The following GRID1 variants were observed in gnomAD, a reference collection of about 807,000 sequenced individuals.
GRID1 encodes the protein glutamate ionotropic receptor delta type subunit 1, also known as glutamate receptor ionotropic, delta-1.
A neutral mutation model predicts 98.0 loss-of-function variants in GRID1; 28 were observed. That is an observed-to-expected ratio of 0.29 (90% CI 0.21 to 0.39). The LOEUF (loss-of-function observed/expected upper bound fraction) is 0.39, where lower values mean the gene tolerates loss of function less well. Among genes scored for constraint, GRID1 ranks in the 10% least tolerant of loss-of-function variants. GRID1 has a pLI of 1.00. For missense variants in GRID1, 1,111 were observed against 1,340.5 expected (o/e 0.83, Z 2.67); for synonymous variants, 553 against 538.5 (o/e 1.03, Z -0.37).
intron 2 of GRID1, among the ~76,000 whole-genome samples, chr10:86,325,050 G>A (rs1408877260): frequency 6.6e-6 from 1 of 152,088 alleles, no homozygotes; most frequent in African/African-American, 2.4e-5. Flanking sequence ...TTGCAACACA[G>A]CTTCAAAATA....
intron 4 of GRID1, among the ~76,000 whole-genome samples, chr10:85,941,463 A>G (rs926851274): frequency 1.3e-5 from 2 of 152,226 alleles, no homozygotes; most frequent in African/African-American, 4.8e-5. Flanking sequence ...AAATAAATAA[A>G]ACTATTAACG....
At chr10:86,084,112 C>T (rs1182118559) in intron 4 of GRID1, among the ~76,000 whole-genome samples, 1 of 152,128 alleles carries the variant, frequency 6.6e-6, no homozygotes, top group Non-Finnish European at 1.5e-5. Context: ...TGGTGTGTCC[C>T]TCGGGACTCA....
At chr10:85,634,249 C>CCTCTCTCTCTCT (rs775506130) in intron 13 of GRID1, among the ~76,000 whole-genome samples, 979 of 92,004 alleles carry the variant, frequency 0.011, 12 homozygotes, top group South Asian at 0.021. Flanking sequence ...TGATGGGGCA[C>CCTCTCTCTCTCT]CTCTCTCTCT....
intron 2 of GRID1, among the ~76,000 whole-genome samples, chr10:86,355,848 C>T (rs1848527181): frequency 6.6e-6 from 1 of 152,220 alleles, no homozygotes; most frequent in Non-Finnish European, 1.5e-5. Flanking sequence ...CTGCCCCAGC[C>T]CACTGCCATT....
chr10:86,295,505 GA>G (rs1381358085), intron 2 of GRID1, among the ~76,000 whole-genome samples: 4 of 152,194 alleles, frequency 2.6e-5, no homozygotes, highest in Admixed American at 6.5e-5. Context: ...TCTCCTCAGT[GA>G]ACTATATAGG....
At chr10:85,692,530 G>T (rs1036633172) in intron 12 of GRID1, among the ~76,000 whole-genome samples, 1 of 151,840 alleles carries the variant, frequency 6.6e-6, no homozygotes, top group African/African-American at 2.4e-5. Context: ...AGTTGTGATG[G>T]CGTGTGCCTG....
intron 2 of GRID1, among the ~76,000 whole-genome samples, chr10:86,251,484 G>A (rs929136281): frequency 1.3e-5 from 2 of 152,152 alleles, no homozygotes; most frequent in Admixed American, 1.3e-4. Context: ...ATGTCTGCGG[G>A]AGCTGGTCCC....
intron 4 of GRID1, among the ~76,000 whole-genome samples, chr10:85,928,511 C>T (rs765036507): frequency 1.2e-4 from 18 of 152,218 alleles, no homozygotes; most frequent in Admixed American, 7.8e-4. Flanking sequence ...AGCTGCAGAA[C>T]TGGTGACCTG....
intron 4 of GRID1, among the ~76,000 whole-genome samples, chr10:86,042,992 G>T (rs1447551243): frequency 6.6e-6 from 1 of 152,048 alleles, no homozygotes. Context: ...GGCTGAGGTG[G>T]AAGGATCCCT....
chr10:86,155,106 C>T (rs1187454443), intron 3 of GRID1, among the ~76,000 whole-genome samples: 1 of 152,200 alleles, frequency 6.6e-6, no homozygotes, highest in African/African-American at 2.4e-5. Flanking sequence ...ATTGTTAGCC[C>T]CCTTCACCTT....
chr10:86,354,266 C>T (rs1213323722), intron 2 of GRID1, among the ~76,000 whole-genome samples: 1 of 152,262 alleles, frequency 6.6e-6, no homozygotes, highest in Non-Finnish European at 1.5e-5. Context: ...GCAGCAAGGC[C>T]GGTGTCTCAG....
chr10:85,983,432 G>A (rs958889763), intron 4 of GRID1, among the ~76,000 whole-genome samples: 1 of 152,214 alleles, frequency 6.6e-6, no homozygotes, highest in African/African-American at 2.4e-5. Context: ...CGGCCCTGTG[G>A]TAACTCCCCA....
chr10:85,737,249 A>G (rs1317791572), intron 8 of GRID1, among the ~76,000 whole-genome samples: 1 of 152,164 alleles, frequency 6.6e-6, no homozygotes, highest in Non-Finnish European at 1.5e-5. Flanking sequence ...CAGAGGACAG[A>G]GCTGTAAGAA....
intron 4 of GRID1, among the ~76,000 whole-genome samples, chr10:85,993,511 G>A (rs545789078): frequency 5.3e-5 from 8 of 152,274 alleles, no homozygotes; most frequent in African/African-American, 1.9e-4. Flanking sequence ...CTGGTCCTAG[G>A]ACCATTTAAT....
At chr10:85,778,346 C>T (rs1249040322) in intron 8 of GRID1, among the ~76,000 whole-genome samples, 1 of 152,098 alleles carries the variant, frequency 6.6e-6, no homozygotes, top group African/African-American at 2.4e-5. Context: ...AGAGGTAGGC[C>T]AGAGCAGGGG....
At chr10:86,292,806 G>A (rs767865814) in intron 2 of GRID1, among the ~76,000 whole-genome samples, 1 of 152,058 alleles carries the variant, frequency 6.6e-6, no homozygotes, top group Non-Finnish European at 1.5e-5. Context: ...GTGGGTGTGA[G>A]TGTGGATGTT....
intron 3 of GRID1, among the ~76,000 whole-genome samples, chr10:86,179,042 G>A (rs982749103): frequency 6.6e-6 from 1 of 152,180 alleles, no homozygotes; most frequent in African/African-American, 2.4e-5. Flanking sequence ...GCCAAGGATG[G>A]GATGGAATGC....
rs183116987 is a variant in GRID1 at position 86,267,641 on chromosome 10, C to T, written c.236-60993G>A. Among the ~76,000 whole-genome samples, 208 of 152,332 alleles carry T rather than the reference C, an allele frequency of 1.4e-3. 5 individuals carry two copies. The highest frequency in any genetic ancestry group is 2.9e-4 in the Non-Finnish European group (20 of 68,028). On this transcript the variant is annotated intron_variant, in intron 2 of 15. Transcript: ENST00000327946. ...GGCAGGCAGTTCCGAGTGCCCACCA[C>T]ACCCACTAGCCAGAACTCCACGGCC...
At chr10:85,989,445 T>A (rs1056563370) in intron 4 of GRID1, among the ~76,000 whole-genome samples, 1 of 152,062 alleles carries the variant, frequency 6.6e-6, no homozygotes, top group South Asian at 2.1e-4. Flanking sequence ...GAGGTACCAG[T>A]CCATAGCCAG....
Sources: gnomAD v4.1 joint callset for allele counts (sites outside exome capture counted in the v4.1 genomes callset) on GRCh38, gnomAD v4.1.1 for gene constraint, MANE v1.5 for transcripts, NCBI Gene and HGNC (gene_info 2026-07-23, HGNC 2026-07-21) for gene names.